Variants in SWI5 observed in about 807,000 individuals in gnomAD.
The protein encoded by SWI5 is DNA repair protein SWI5 homolog.
SWI5 carries 12 observed loss-of-function variants against 17.0 expected under a neutral mutation model. That is an observed-to-expected ratio of 0.71 (90% CI 0.45 to 1.14). SWI5 has a LOEUF of 1.14. SWI5 is among the 50% of genes most tolerant of loss of function. The probability of loss-of-function intolerance (pLI) is 0.00; values close to 1 mark genes in which losing one functional copy is unlikely to be tolerated. For synonymous variants in SWI5, 61 were observed against 64.0 expected (o/e 0.95, Z 0.22); for missense variants, 158 against 162.2 (o/e 0.97, Z 0.14).
intron 2 of SWI5, among the ~76,000 whole-genome samples, chr9:128,281,536 A>G (rs1424688474): frequency 6.6e-6 from 1 of 152,192 alleles, no homozygotes; most frequent in Non-Finnish European, 1.5e-5. Context: ...AGACTCTCCC[A>G]TAGCACACTG....
intron 2 of SWI5, among the ~76,000 whole-genome samples, chr9:128,283,322 T>A (rs1340637094): frequency 6.6e-6 from 1 of 151,414 alleles, no homozygotes; most frequent in African/African-American, 2.4e-5. Context: ...AACTCTGTTT[T>A]AAAAAAAAGT....
At chr9:128,282,905 T>C (rs2240958) in intron 2 of SWI5, among the ~76,000 whole-genome samples, 50,735 of 152,222 alleles carry the variant, frequency 0.33, 11,635 homozygotes, top group African/African-American at 0.66. Context: ...CAGATGGGCA[T>C]GGTGGCTCAC....
Position 128,288,641 on chromosome 9 carries a change from C to T in SWI5, c.329-11C>T, listed in dbSNP as rs761077465. On this transcript the variant is annotated splice_polypyrimidine_tract_variant and intron_variant, in intron 4 of 4. Transcript: ENST00000418976. ...CCCACTGCACATTCAGCCTGCCTTC[C>T]TTCCTTTCAGCTGTGATCCGAGGTG... 2.5e-6 allele frequency: 4 copies of T among 1,614,142 alleles called. No individual in the cohort carries two copies. Among genetic ancestry groups the T allele is most frequent in the Non-Finnish European group, 3.4e-6 (4 of 1,180,022 alleles).
intron 1 of SWI5, 42 bp downstream of exon 1, chr9:128,276,444 C>A: frequency 6.2e-7 from 1 of 1,604,150 alleles, no homozygotes; most frequent in South Asian, 1.1e-5. Flanking sequence ...CCTGACTCCT[C>A]ACAGCCCTGC....
rs549061433 is a variant in SWI5, at chr9:128,285,725, G to A, written c.234-214G>A. On this transcript the variant is annotated intron_variant, in intron 3 of 4. Coordinates refer to ENST00000418976, the Ensembl canonical transcript of SWI5. The surrounding 1 kb of genome is among the most constrained non-coding windows in gnomAD (Gnocchi z 4.8). ...CTGTGGCTGGCAACCCCACCCTAAG[G>A]AGACAGGGCACATTTGCCAGGAGTG... 2.6e-5 allele frequency among the ~76,000 whole-genome samples: 4 copies of A among 152,184 alleles called. No individual in the cohort carries two copies. The highest frequency in any genetic ancestry group is 5.9e-5 in the Non-Finnish European group (4 of 68,028).
chr9:128,279,972 C>T (rs930408049), intron 2 of SWI5, among the ~76,000 whole-genome samples: 1 of 151,986 alleles, frequency 6.6e-6, no homozygotes, highest in Non-Finnish European at 1.5e-5. Flanking sequence ...CTATACTTGC[C>T]GGTTATTCTT....
intron 2 of SWI5, among the ~76,000 whole-genome samples, chr9:128,279,859 C>T (rs969194160): frequency 3.3e-5 from 5 of 152,080 alleles, no homozygotes; most frequent in African/African-American, 9.7e-5. Context: ...CTGGCATTAC[C>T]GCTTGACCAA....
At chr9:128,280,076 A>G (rs1277700785) in intron 2 of SWI5, among the ~76,000 whole-genome samples, 2 of 152,116 alleles carry the variant, frequency 1.3e-5, no homozygotes, top group African/African-American at 4.8e-5. Flanking sequence ...GATCATCTCT[A>G]TATCTAATTT....
Position 128,283,244 on chromosome 9 carries a change from C to T in SWI5, c.112-1266C>T, listed in dbSNP as rs2131421048. On this transcript the variant is annotated intron_variant, in intron 2 of 4. Coordinates refer to ENST00000418976, the Ensembl canonical transcript of SWI5. Reference sequence around the variant, plus strand: ...GGCTGAGGCAGGAGAATTGCTTGAACCTGGGAGGCAGAGGTTGCAGTGAGC... The same window carrying T: ...GGCTGAGGCAGGAGAATTGCTTGAATCTGGGAGGCAGAGGTTGCAGTGAGC... Among the ~76,000 whole-genome samples the T allele has an allele frequency of 1.3e-5, 2 of 152,276 alleles. 1 individual carries two copies. The highest frequency in any genetic ancestry group is 4.1e-4 in the South Asian group (2 of 4,832).
intron 4 of SWI5, among the ~76,000 whole-genome samples, chr9:128,287,344 C>T (rs534818946): frequency 3.7e-4 from 55 of 150,162 alleles, no homozygotes; most frequent in Admixed American, 3.5e-3. Context: ...ACTCAGGAGG[C>T]TGAGGCAGGA....
At chr9:128,276,063 ACT>A (rs1323966419), upstream of SWI5, 19 of 1,578,842 alleles carry the variant, frequency 1.2e-5, no homozygotes, top group East Asian at 3.8e-4. Flanking sequence ...CCAGGGCGAT[ACT>A]GGAGCGCAGA....
rs765400509 is a variant in SWI5, at chr9:128,276,795, ACCTTCCCTT to A, written c.111+41_111+49del. 8 of 1,562,632 alleles carry A rather than the reference ACCTTCCCTT, an allele frequency of 5.1e-6. No individual in the cohort carries two copies. The African/African-American group carries it at 1.1e-4, about 21-fold the overall frequency. On this transcript the variant is annotated intron_variant, in intron 2 of 4. Transcript: ENST00000418976. ...CCCCACACCCCCTTTCCCATCCTCGACCTTCCCTTGTGCGCTCCCGGCCCCACTCCCCAT... is the reference window on the plus strand; with the variant it reads ...CCCCACACCCCCTTTCCCATCCTCGAGTGCGCTCCCGGCCCCACTCCCCAT...
chr9:128,276,079 G>A, upstream of SWI5: 2 of 1,573,734 alleles, frequency 1.3e-6, no homozygotes, highest in South Asian at 1.1e-5. Context: ...GCGCAGAATG[G>A]GGGCGTGGCC....
intron 2 of SWI5, among the ~76,000 whole-genome samples, chr9:128,278,056 C>T (rs955763757): frequency 5.3e-5 from 8 of 150,726 alleles, no homozygotes; most frequent in South Asian, 2.1e-4. Context: ...AGGCCCAACC[C>T]ATCCTCTTGC....
At chr9:128,276,292 C>G (rs566655240) in exon 1 of SWI5, 1 of 1,612,796 alleles carries the variant, frequency 6.2e-7, no homozygotes, top group South Asian at 1.1e-5. Context: ...CACTCCGGGT[C>G]AGAGTTCCTG....
chr9:128,282,302 G>A (rs1831552648), intron 2 of SWI5, among the ~76,000 whole-genome samples: 1 of 152,066 alleles, frequency 6.6e-6, no homozygotes, highest in Middle Eastern at 3.2e-3. Context: ...CAGGAAAATC[G>A]CTTGAATCCG....
chr9:128,288,908 T>C (rs950820082), exon 5 of SWI5: 2 of 608,852 alleles, frequency 3.3e-6, no homozygotes, highest in Non-Finnish European at 5.8e-6. Context: ...CGTTCCCAGC[T>C]CCAAGGTTCC....
intron 2 of SWI5, among the ~76,000 whole-genome samples, chr9:128,278,048 GCCCAAC>G (rs1466924376): frequency 6.7e-6 from 1 of 148,518 alleles, no homozygotes; most frequent in African/African-American, 2.5e-5. Flanking sequence ...TGCCTCCCAG[GCCCAAC>G]CCATCCTCTT....
chr9:128,277,841 G>A (rs1202094708), intron 2 of SWI5, among the ~76,000 whole-genome samples: 1 of 152,164 alleles, frequency 6.6e-6, no homozygotes, highest in Non-Finnish European at 1.5e-5. Context: ...AAAAGCACTG[G>A]GCTGATTGAG....
Sources: allele counts gnomAD v4.1 joint callset (sites outside exome capture counted in the v4.1 genomes callset), GRCh38; gene constraint gnomAD v4.1.1; non-coding constraint Gnocchi (gnomAD v3.1); transcripts MANE v1.5; gene names NCBI Gene and HGNC (gene_info 2026-07-23, HGNC 2026-07-21).